RPS6KA2: variants seen among roughly 807,000 people sequenced by gnomAD.
The protein encoded by RPS6KA2 is ribosomal protein S6 kinase alpha-2.
In RPS6KA2, 42 loss-of-function variants were observed where a neutral mutation model predicts 91.8. That is an observed-to-expected ratio of 0.46 (90% CI 0.36 to 0.59). The LOEUF (loss-of-function observed/expected upper bound fraction) is 0.59. RPS6KA2 is among the 20% of genes least tolerant of loss of function. The pLI, the probability that RPS6KA2 is intolerant of heterozygous loss-of-function variation, is 0.00. For synonymous variants in RPS6KA2, 414 were observed against 393.6 expected (o/e 1.05, Z -0.61); for missense variants, 798 against 978.5 (o/e 0.82, Z 2.46).
intron 2 of RPS6KA2, among the ~76,000 whole-genome samples, chr6:166,799,944 G>T (rs1779321111): frequency 6.6e-6 from 1 of 152,126 alleles, no homozygotes; most frequent in African/African-American, 2.4e-5. Flanking sequence ...AACAGGTCAT[G>T]GCTGCGATCT....
At chr6:166,564,250 G>A (rs2128506889) in intron 1 of RPS6KA2, among the ~76,000 whole-genome samples, 1 of 152,296 alleles carries the variant, frequency 6.6e-6, no homozygotes, top group African/African-American at 2.4e-5. Context: ...GATCAAGAGT[G>A]CCCAGAACAT....
intron 5 of RPS6KA2, among the ~76,000 whole-genome samples, chr6:166,505,153 C>T (rs1242446922): frequency 6.6e-6 from 1 of 152,138 alleles, no homozygotes; most frequent in Non-Finnish European, 1.5e-5. Flanking sequence ...AGATCACCCA[C>T]AGGTGGTACA....
chr6:166,610,725 G>A (rs1786140864), intron 1 of RPS6KA2, among the ~76,000 whole-genome samples: 1 of 152,012 alleles, frequency 6.6e-6, no homozygotes, highest in Non-Finnish European at 1.5e-5. Flanking sequence ...GGAAAGTAGT[G>A]GTAAAGAAAT....
chr6:166,650,996 G>A (rs2128554181), intron 2 of RPS6KA2, among the ~76,000 whole-genome samples: 1 of 152,206 alleles, frequency 6.6e-6, no homozygotes, highest in East Asian at 1.9e-4. Flanking sequence ...TCCATGCAAA[G>A]GTCCCCTGAC....
chr6:166,705,661 G>T (rs781308399), intron 2 of RPS6KA2, among the ~76,000 whole-genome samples: 2 of 152,146 alleles, frequency 1.3e-5, no homozygotes, highest in African/African-American at 2.4e-5. Flanking sequence ...AGATTTGGAA[G>T]GAAGATAAAA....
At chr6:166,452,608 G>A (rs1779952957) in intron 12 of RPS6KA2, among the ~76,000 whole-genome samples, 1 of 152,152 alleles carries the variant, frequency 6.6e-6, no homozygotes, top group Non-Finnish European at 1.5e-5. Flanking sequence ...AAAATAGCAT[G>A]GTACTGGTAT....
At chr6:166,838,378 A>G (rs7772900) in intron 2 of RPS6KA2, among the ~76,000 whole-genome samples, 7,947 of 152,264 alleles carry the variant, frequency 0.052, 722 homozygotes, top group African/African-American at 0.18. Context: ...GTGCTTATGG[A>G]GGAAAATGTA....
chr6:166,813,328 G>T (rs968180391), intron 2 of RPS6KA2, among the ~76,000 whole-genome samples: 1 of 152,152 alleles, frequency 6.6e-6, no homozygotes, highest in African/African-American at 2.4e-5. Flanking sequence ...TCCATGTGGA[G>T]CTCCCTGGAA....
intron 2 of RPS6KA2, among the ~76,000 whole-genome samples, chr6:166,771,546 C>T (rs1012826176): frequency 1.3e-5 from 2 of 152,188 alleles, no homozygotes; most frequent in East Asian, 1.9e-4. Flanking sequence ...CAACGGCTAC[C>T]CTTACTGCGG....
intron 2 of RPS6KA2, among the ~76,000 whole-genome samples, chr6:166,798,222 G>C (rs920863165): frequency 2.0e-5 from 3 of 152,238 alleles, no homozygotes; most frequent in Non-Finnish European, 2.9e-5. Context: ...AATGTCATCA[G>C]CCTTGGGGTG....
chr6:166,414,840 G>A (rs1211770694), intron 19 of RPS6KA2, among the ~76,000 whole-genome samples: 1 of 152,198 alleles, frequency 6.6e-6, no homozygotes, highest in Admixed American at 6.5e-5. Context: ...TGAGGCAGGT[G>A]GATCACTTGA....
intron 11 of RPS6KA2, among the ~76,000 whole-genome samples, chr6:166,461,555 A>C: frequency 9.6e-6 from 1 of 104,676 alleles, no homozygotes; most frequent in East Asian, 3.3e-4. Flanking sequence ...TGGGGGGAGA[A>C]AGAGACGGAG....
At chr6:166,814,104 C>T (rs1279411073) in intron 2 of RPS6KA2, among the ~76,000 whole-genome samples, 3 of 152,108 alleles carry the variant, frequency 2.0e-5, no homozygotes, top group Non-Finnish European at 4.4e-5. Context: ...TTCAAAGATA[C>T]GTATGGTTTT....
At chr6:166,522,887 T>C (rs1174718644) in intron 3 of RPS6KA2, among the ~76,000 whole-genome samples, 1 of 152,226 alleles carries the variant, frequency 6.6e-6, no homozygotes, top group Non-Finnish European at 1.5e-5. Flanking sequence ...ATTACCAGAA[T>C]GGGCATGACT....
At chr6:166,754,727 A>T (rs1000732387) in intron 2 of RPS6KA2, among the ~76,000 whole-genome samples, 2 of 152,170 alleles carry the variant, frequency 1.3e-5, no homozygotes, top group African/African-American at 4.8e-5. Context: ...ATGTCAAAGC[A>T]TCAGATGCGG....
chr6:166,476,943 C>T (rs1282026428), intron 10 of RPS6KA2, among the ~76,000 whole-genome samples: 1 of 152,302 alleles, frequency 6.6e-6, no homozygotes, highest in East Asian at 1.9e-4. Context: ...TAACAGCCAC[C>T]AATTCCCCAG....
intron 2 of RPS6KA2, among the ~76,000 whole-genome samples, chr6:166,750,604 T>C (rs1343435944): frequency 6.6e-6 from 1 of 152,216 alleles, no homozygotes; most frequent in African/African-American, 2.4e-5. Context: ...TCTTCCCTTC[T>C]ACTGTGGCTG....
At chr6:166,679,146 C>T (rs1788706865) in intron 2 of RPS6KA2, among the ~76,000 whole-genome samples, 1 of 152,054 alleles carries the variant, frequency 6.6e-6, no homozygotes, top group African/African-American at 2.4e-5. Context: ...CTTTTTAAGT[C>T]ACAACAAAAA....
chr6:166,720,548 G>T (rs555682548), intron 2 of RPS6KA2, among the ~76,000 whole-genome samples: 1 of 152,146 alleles, frequency 6.6e-6, no homozygotes, highest in Non-Finnish European at 1.5e-5. Flanking sequence ...AAATAAAAGT[G>T]TAAGAGAAAG....
Sources: gnomAD v4.1 joint callset for allele counts (sites outside exome capture counted in the v4.1 genomes callset) on GRCh38, gnomAD v4.1.1 for gene constraint, MANE v1.5 for transcripts, NCBI Gene and HGNC (gene_info 2026-07-23, HGNC 2026-07-21) for gene names.